The following SH3RF1 variants were observed in gnomAD, a reference collection of about 807,000 sequenced individuals.
SH3RF1 encodes E3 ubiquitin-protein ligase SH3RF1.
SH3RF1 carries 32 observed loss-of-function variants against 74.0 expected under a neutral mutation model. The observed-to-expected ratio is 0.43, with a 90% CI of 0.33 to 0.58. The LOEUF (loss-of-function observed/expected upper bound fraction) is 0.58, where lower values mean the gene tolerates loss of function less well. Ranked by LOEUF, SH3RF1 falls within the 20% of genes least tolerant of loss-of-function variation. The probability of loss-of-function intolerance (pLI) is 0.05; values close to 1 mark genes in which losing one functional copy is unlikely to be tolerated. For missense variants in SH3RF1, 954 were observed against 1,130.9 expected (o/e 0.84, Z 2.24); for synonymous variants, 396 against 439.6 (o/e 0.90, Z 1.24).
At chr4:169,205,249 G>C (rs1025313142) in intron 2 of SH3RF1, among the ~76,000 whole-genome samples, 1 of 152,192 alleles carries the variant, frequency 6.6e-6, no homozygotes. Context: ...AATAAGTCTA[G>C]CTTTTTTGCA....
chr4:169,193,755 C>T (rs1734765925), intron 2 of SH3RF1, among the ~76,000 whole-genome samples: 1 of 152,168 alleles, frequency 6.6e-6, no homozygotes, highest in African/African-American at 2.4e-5. Flanking sequence ...GGAACTGCAA[C>T]TGAATATGAG....
At chr4:169,133,317 CT>C (rs1174490930) in intron 5 of SH3RF1, among the ~76,000 whole-genome samples, 1 of 152,046 alleles carries the variant, frequency 6.6e-6, no homozygotes, top group East Asian at 1.9e-4. Context: ...TACTAAAAAA[CT>C]ACAAAAATTA....
At chr4:169,101,674 CA>C (rs3070770) in intron 11 of SH3RF1, among the ~76,000 whole-genome samples, 2,074 of 85,644 alleles carry the variant, frequency 0.024, 14 homozygotes, top group Middle Eastern at 0.037. Flanking sequence ...AAAAAAAAGG[CA>C]AAAAAAAAAA....
intron 2 of SH3RF1, among the ~76,000 whole-genome samples, chr4:169,183,888 T>C (rs1266099271): frequency 6.6e-6 from 1 of 152,246 alleles, no homozygotes; most frequent in East Asian, 1.9e-4. Flanking sequence ...GACTTTTTAT[T>C]TCTATAAAAT....
chr4:169,253,721 A>T (rs1383575847), intron 2 of SH3RF1, among the ~76,000 whole-genome samples: 1 of 152,210 alleles, frequency 6.6e-6, no homozygotes, highest in Non-Finnish European at 1.5e-5. Flanking sequence ...GCCATTATAC[A>T]TGTAACATTT....
intron 11 of SH3RF1, among the ~76,000 whole-genome samples, chr4:169,098,791 T>C (rs988044264): frequency 1.3e-5 from 2 of 152,266 alleles, no homozygotes; most frequent in African/African-American, 4.8e-5. Flanking sequence ...TTGGGCCAGT[T>C]ATCTCAGCTC....
At chr4:169,122,668 A>C (rs908241723) in intron 6 of SH3RF1, among the ~76,000 whole-genome samples, 4 of 152,188 alleles carry the variant, frequency 2.6e-5, no homozygotes, top group Non-Finnish European at 4.4e-5. Flanking sequence ...TTGTTTCTGT[A>C]ATCTGAAACT....
chr4:169,173,365 G>A (rs1734363947), intron 2 of SH3RF1, among the ~76,000 whole-genome samples: 1 of 151,742 alleles, frequency 6.6e-6, no homozygotes. Flanking sequence ...CTCCCACCGT[G>A]CCCCCTTGTT....
chr4:169,182,861 A>C (rs1734534902), intron 2 of SH3RF1, among the ~76,000 whole-genome samples: 1 of 152,198 alleles, frequency 6.6e-6, no homozygotes, highest in Non-Finnish European at 1.5e-5. Context: ...CCAACCAAAA[A>C]AAAAAGGAGA....
chr4:169,147,594 C>A (rs971486937), intron 4 of SH3RF1, among the ~76,000 whole-genome samples: 1 of 152,162 alleles, frequency 6.6e-6, no homozygotes, highest in African/African-American at 2.4e-5. Context: ...TTCCTCTCAA[C>A]ATATGGAGGA....
At chr4:169,119,901 C>T (rs1290384648) in intron 8 of SH3RF1, among the ~76,000 whole-genome samples, 2 of 152,226 alleles carry the variant, frequency 1.3e-5, no homozygotes, top group East Asian at 1.9e-4. Context: ...GATTTCATTA[C>T]AGGTCATTTA....
chr4:169,246,942 G>C (rs911838056), intron 2 of SH3RF1, among the ~76,000 whole-genome samples: 1 of 152,156 alleles, frequency 6.6e-6, no homozygotes, highest in Non-Finnish European at 1.5e-5. Flanking sequence ...AAGAGGAAGG[G>C]GGAAGCAATA....
At chr4:169,112,660 C>T (rs1733261116) in intron 10 of SH3RF1, among the ~76,000 whole-genome samples, 3 of 151,922 alleles carry the variant, frequency 2.0e-5, no homozygotes, top group Admixed American at 1.3e-4. Flanking sequence ...TTTTAAAGGG[C>T]ACGTACAAAA....
chr4:169,269,996 A>C (rs1008867425), intron 1 of SH3RF1: 7 of 152,294 alleles, frequency 4.6e-5, no homozygotes, highest in African/African-American at 1.7e-4. Flanking sequence ...TCCCATTCAG[A>C]AAAGCTGGCA....
chr4:169,115,098 A>G (rs1733309163), intron 10 of SH3RF1, among the ~76,000 whole-genome samples: 1 of 152,240 alleles, frequency 6.6e-6, no homozygotes, highest in African/African-American at 2.4e-5. Context: ...ACCATCGGTT[A>G]TTCTTTCCAA....
intron 2 of SH3RF1, among the ~76,000 whole-genome samples, chr4:169,195,435 C>T (rs969295108): frequency 6.6e-6 from 1 of 152,058 alleles, no homozygotes; most frequent in South Asian, 2.1e-4. Context: ...TCTTGGAGTT[C>T]ACAGGATTTC....
chr4:169,171,554 T>C (rs931875992), intron 2 of SH3RF1, among the ~76,000 whole-genome samples: 3 of 152,110 alleles, frequency 2.0e-5, no homozygotes, highest in African/African-American at 7.2e-5. Flanking sequence ...AGGAGAAAAG[T>C]AGACAGCAGA....
chr4:169,110,251 T>C (rs1221983798), intron 10 of SH3RF1, among the ~76,000 whole-genome samples: 1 of 149,440 alleles, frequency 6.7e-6, no homozygotes, highest in Non-Finnish European at 1.5e-5. Flanking sequence ...ATGCCTTTAG[T>C]CCCAGCTGGG....
At chr4:169,257,806 C>A (rs1200793091) in intron 2 of SH3RF1, among the ~76,000 whole-genome samples, 5 of 152,152 alleles carry the variant, frequency 3.3e-5, no homozygotes, top group Non-Finnish European at 7.3e-5. Context: ...AGCAAACCAG[C>A]CCTATTTAGA....
Sources: allele counts gnomAD v4.1 joint callset (sites outside exome capture counted in the v4.1 genomes callset), GRCh38; gene constraint gnomAD v4.1.1; transcripts MANE v1.5; gene names NCBI Gene and HGNC (gene_info 2026-07-23, HGNC 2026-07-21).